The following SLC1A2 variants were observed in gnomAD, a reference collection of about 807,000 sequenced individuals.
SLC1A2 encodes the protein excitatory amino acid transporter 2.
A neutral mutation model predicts 48.8 loss-of-function variants in SLC1A2; 15 were observed. The ratio of observed to expected loss-of-function variants is 0.31; its 90% confidence interval spans 0.21 to 0.47. The LOEUF is 0.47. Ranked by LOEUF, SLC1A2 falls within the 20% of genes least tolerant of loss-of-function variation. The pLI is 0.99. For missense variants in SLC1A2, 502 were observed against 730.5 expected (o/e 0.69, Z 3.61); for synonymous variants, 279 against 272.6 (o/e 1.02, Z -0.23).
chr11:35,400,656 AT>A (rs1855106925), intron 1 of SLC1A2, among the ~76,000 whole-genome samples: 1 of 152,206 alleles, frequency 6.6e-6, no homozygotes, highest in Non-Finnish European at 1.5e-5. Context: ...AGGTATATCC[AT>A]GAAAAATCAA....
chr11:35,336,938 C>T (rs1304784439), intron 1 of SLC1A2, among the ~76,000 whole-genome samples: 1 of 152,130 alleles, frequency 6.6e-6, no homozygotes, highest in African/African-American at 2.4e-5. Context: ...ACTGAGGTCT[C>T]TGTAGTACTT....
chr11:35,418,643 T>G (rs1855685673), intron 1 of SLC1A2: 2 of 418,752 alleles, frequency 4.8e-6, no homozygotes, highest in Non-Finnish European at 8.6e-6. Context: ...CAATCCCCTA[T>G]TGTTTTGAAA....
At chr11:35,261,083 T>C in intron 10 of SLC1A2, 118 bp from the exon 11 acceptor site, 1 of 744,138 alleles carries the variant, frequency 1.3e-6, no homozygotes, top group Non-Finnish European at 2.4e-6. Context: ...ATATTAGTTT[T>C]AAATGGAGTT....
At chr11:35,367,886 T>C (rs1038051350) in intron 1 of SLC1A2, among the ~76,000 whole-genome samples, 2 of 152,360 alleles carry the variant, frequency 1.3e-5, no homozygotes, top group Admixed American at 1.3e-4. Context: ...CAGTATCACC[T>C]GCCATAAATA....
rs115386794 is a variant in SLC1A2, at chr11:35,303,036, C to T, written c.731-1391G>A. Among the ~76,000 whole-genome samples the T allele has an allele frequency of 9.1e-3, 1,387 of 151,830 alleles. 10 individuals carry two copies. The highest frequency in any genetic ancestry group is 0.032 in the African/African-American group (1,323 of 41,346). On this transcript the variant is annotated intron_variant, in intron 5 of 10. Coordinates refer to ENST00000278379, the MANE Select transcript of SLC1A2 (RefSeq NM_004171.4). The stretch of plus-strand genomic sequence containing the variant: ...CTTCTCTTTCCTCCTCTTCTCCACA[C>T]CTAACCTGCTCAATTTGGCAGTCCT...
rs1950369734 is a variant in SLC1A2, at chr11:35,259,996, G to T, written c.*898C>A. 6.6e-6 allele frequency: 1 copy of T among 152,142 alleles called. No homozygotes were observed. The highest frequency in any genetic ancestry group is 6.5e-5 in the Admixed American group (1 of 15,274). The allele number at this position is 152,142 out of a possible 1,614,324, so 9.4% of individuals were successfully genotyped here. On this transcript the variant is annotated 3_prime_UTR_variant, in exon 11 of 11. Coordinates refer to ENST00000278379, the MANE Select transcript of SLC1A2 (RefSeq NM_004171.4). ...TAGGAACCAAAAAATAATCTTTTGG[G>T]TTAAACAAAGCAAAACACATACCAA...
intron 10 of SLC1A2, among the ~76,000 whole-genome samples, chr11:35,262,188 G>A (rs1950403979): frequency 6.6e-6 from 1 of 152,242 alleles, no homozygotes; most frequent in Non-Finnish European, 1.5e-5. Flanking sequence ...TGTCTGCCCA[G>A]AGAAAGTTGT....
At chr11:35,397,227 C>T (rs1047770676) in intron 1 of SLC1A2, among the ~76,000 whole-genome samples, 1 of 150,436 alleles carries the variant, frequency 6.6e-6, no homozygotes, top group African/African-American at 2.4e-5. Context: ...CCAAGTCAAT[C>T]CTAAGCCAAA....
intron 1 of SLC1A2, among the ~76,000 whole-genome samples, chr11:35,386,143 G>A (rs1337937725): frequency 3.9e-5 from 6 of 152,042 alleles, no homozygotes; most frequent in Non-Finnish European, 8.8e-5. Context: ...TCCAGCCTGG[G>A]CGACAGAGCA....
intron 1 of SLC1A2, among the ~76,000 whole-genome samples, chr11:35,335,379 A>G (rs900606983): frequency 6.6e-6 from 1 of 152,188 alleles, no homozygotes; most frequent in African/African-American, 2.4e-5. Flanking sequence ...CTTCAGCCAT[A>G]GCAACCGCAA....
rs548098918 is a variant in SLC1A2 at position 35,311,632 on chromosome 11, T to TACTTCC, written c.561+560_561+565dup. ...TAAAATTTTCATAATCTGCATGTAT[T>TACTTCC]ACTTCCACAATTTAAAAAACTACCC... On this transcript the variant is annotated intron_variant, in intron 4 of 10. Coordinates refer to ENST00000278379, the MANE Select transcript of SLC1A2 (RefSeq NM_004171.4). Among the ~76,000 whole-genome samples, 4 of 152,300 alleles carry TACTTCC rather than the reference T, an allele frequency of 2.6e-5. No individual in the cohort carries two copies. The East Asian group carries it at 5.8e-4, about 22-fold the overall frequency.
intron 7 of SLC1A2, among the ~76,000 whole-genome samples, chr11:35,290,759 A>C (rs887367147): frequency 2.7e-5 from 4 of 149,714 alleles, no homozygotes; most frequent in African/African-American, 7.4e-5. Flanking sequence ...ATCTGTATGG[A>C]TAGAGATACT....
chr11:35,326,478 C>T (rs1243922231), intron 1 of SLC1A2, among the ~76,000 whole-genome samples: 4 of 152,184 alleles, frequency 2.6e-5, no homozygotes, highest in Non-Finnish European at 5.9e-5. Flanking sequence ...GTTTAATTAG[C>T]TGCAGCGCCT....
At chr11:35,396,990 CA>C (rs1854985482) in intron 1 of SLC1A2, among the ~76,000 whole-genome samples, 2 of 150,438 alleles carry the variant, frequency 1.3e-5, no homozygotes, top group East Asian at 3.9e-4. Context: ...AGGACCTCTT[CA>C]AGGAGAACTA....
At position 35,291,307 on chromosome 11, in the gene SLC1A2, A is replaced by T. The variant is rs1045475211; in HGVS notation, c.1091+980T>A. The T allele has an allele frequency of 2.0e-5, 3 of 151,752 alleles. No individual in the cohort carries two copies. In the East Asian group the frequency reaches 5.8e-4, roughly 29 times the overall value. The allele number at this position is 151,752 out of a possible 1,614,324, so 9.4% of individuals were successfully genotyped here. Reference sequence around the variant, plus strand: ...GATGGAGCCTCACTTTGTCACCCAGACTAGAGTGCAGTGATGCAATCTCAG... The same window carrying T: ...GATGGAGCCTCACTTTGTCACCCAGTCTAGAGTGCAGTGATGCAATCTCAG... On this transcript the variant is annotated intron_variant, in intron 7 of 10. Coordinates refer to ENST00000278379, the MANE Select transcript of SLC1A2 (RefSeq NM_004171.4).
intron 6 of SLC1A2, among the ~76,000 whole-genome samples, chr11:35,297,247 G>C (rs1311623947): frequency 1.3e-5 from 2 of 152,044 alleles, no homozygotes; most frequent in African/African-American, 4.8e-5. Flanking sequence ...TCCTCTCCTG[G>C]ACGATGTTTG....
chr11:35,264,294 C>A (rs563072418), intron 10 of SLC1A2, among the ~76,000 whole-genome samples: 3 of 152,264 alleles, frequency 2.0e-5, no homozygotes, highest in African/African-American at 7.2e-5. Flanking sequence ...AGTTGCCCAG[C>A]AAGAGCCACA....
chr11:35,415,420 A>G (rs1001474051), intron 1 of SLC1A2, among the ~76,000 whole-genome samples: 1 of 152,210 alleles, frequency 6.6e-6, no homozygotes, highest in Admixed American at 6.5e-5. Context: ...ACTAATATCT[A>G]TTTTCCCCAA....
At chr11:35,380,503 C>A in intron 1 of SLC1A2, 2 of 398,316 alleles carry the variant, frequency 5.0e-6, no homozygotes, top group South Asian at 2.6e-4. Flanking sequence ...CTGGATTGGT[C>A]TGATCTCTCG....
Sources: allele counts gnomAD v4.1 joint callset (sites outside exome capture counted in the v4.1 genomes callset), GRCh38; gene constraint gnomAD v4.1.1; transcripts MANE v1.5; gene names NCBI Gene and HGNC (gene_info 2026-07-23, HGNC 2026-07-21).